MYOM1: variants seen among roughly 807,000 people sequenced by gnomAD.
MYOM1 encodes the protein myomesin 1, also known as myomesin-1.
MYOM1 carries 164 observed loss-of-function variants against 205.3 expected under a neutral mutation model. The ratio of observed to expected loss-of-function variants is 0.80; its 90% CI spans 0.70 to 0.91. MYOM1 has a LOEUF of 0.91. Among genes scored for constraint, MYOM1 ranks in the 40% least tolerant of loss-of-function variants. MYOM1 has a pLI of 0.00. For missense variants in MYOM1, 2,011 were observed against 2,127.3 expected (o/e 0.95, Z 1.08); for synonymous variants, 772 against 789.4 (o/e 0.98, Z 0.37).
Position 3,079,335 on chromosome 18 carries a change from C to A in MYOM1, c.4492G>T (p.Ala1498Ser), listed in dbSNP as rs768530234. 6.8e-6 allele frequency: 11 copies of A among 1,605,882 alleles called. No homozygotes were observed. The highest frequency in any genetic ancestry group is 9.4e-6 in the Non-Finnish European group (11 of 1,174,384). Residue 1498 changes from alanine (A) to serine (S), a missense_variant, in exon 34 of 38, where the codon GCC (alanine) becomes TCC (serine). Transcript: ENST00000356443. ...TTAACTCTGTCTGAGTACCTAATGG[C>A]GGACCCACTGTGAAAATCGAAGAAA... Reference protein sequence around the residue: ...LKVNWSHNGSAIRYSDRVKTG... With the variant: ...LKVNWSHNGSSIRYSDRVKTG...
chr18:3,113,975 T>C (rs2079566755), intron 21 of MYOM1, among the ~76,000 whole-genome samples: 1 of 152,254 alleles, frequency 6.6e-6, no homozygotes, highest in Non-Finnish European at 1.5e-5. Context: ...TATGTAGTAA[T>C]AGCCCTCACT....
At chr18:3,231,452 G>A in the MYOM1 span, among the ~76,000 whole-genome samples, 5 of 151,264 alleles carry the variant, frequency 3.3e-5, no homozygotes, top group African/African-American at 1.2e-4. Context: ...AAACCCTTGA[G>A]AGAAAACCTG....
intron 8 of MYOM1, among the ~76,000 whole-genome samples, chr18:3,169,726 G>A (rs1358009351): frequency 1.3e-5 from 2 of 152,152 alleles, no homozygotes; most frequent in Non-Finnish European, 2.9e-5. Context: ...AACCACTATG[G>A]AGAACAGTAT....
intron 2 of MYOM1, among the ~76,000 whole-genome samples, chr18:3,213,310 C>CA (rs2081213939): frequency 6.6e-6 from 1 of 152,068 alleles, no homozygotes; most frequent in Non-Finnish European, 1.5e-5. Flanking sequence ...ATGTTTATAG[C>CA]AAAAAATGCA....
rs2080239005 is a variant in MYOM1 at position 3,152,752 on chromosome 18, C to A, written c.1644-859G>T. Among the ~76,000 whole-genome samples the A allele has an allele frequency of 6.6e-6, 1 of 152,078 alleles. No individual in the cohort carries two copies. The highest frequency in any genetic ancestry group is 2.4e-5 in the African/African-American group (1 of 41,386). ...ATTTCCCCAACATGGGCTCTATGTC[C>A]AAAATGTGTAATTCCCAAATGATTC... On this transcript the variant is annotated intron_variant, in intron 11 of 37. Coordinates refer to ENST00000356443, the MANE Select transcript of MYOM1 (RefSeq NM_003803.4). This position sits in a 1 kb window ranked among gnomAD's most constrained non-coding sequence, Gnocchi z 4.3.
intron 2 of MYOM1, among the ~76,000 whole-genome samples, chr18:3,213,698 C>A (rs945354111): frequency 2.6e-5 from 4 of 152,166 alleles, no homozygotes; most frequent in Non-Finnish European, 4.4e-5. Context: ...GAGAAACTTT[C>A]TTCTCTAATA....
Position 3,148,778 on chromosome 18 carries a change from G to A in MYOM1, c.1900+367C>T, listed in dbSNP as rs149622791. 5.3e-3 allele frequency among the ~76,000 whole-genome samples: 786 copies of A among 148,142 alleles called. 5 individuals carry two copies. Among genetic ancestry groups the A allele is most frequent in the African/African-American group, 0.017 (682 of 40,016 alleles). On this transcript the variant is annotated intron_variant, in intron 13 of 37. Coordinates refer to ENST00000356443, the MANE Select transcript of MYOM1 (RefSeq NM_003803.4). ...GGAGAATGGCGTGAACCCGGGAGGC[G>A]GAGCTTGTAGTGAGCCGAGATCGCA... is the stretch of plus-strand genomic sequence containing the variant.
intron 5 of MYOM1, 90 bp from the exon 6 acceptor site, chr18:3,176,224 AT>A (rs1193361199): frequency 1.3e-6 from 1 of 749,568 alleles, no homozygotes; most frequent in Non-Finnish European, 2.3e-6. Context: ...TTGCAGGAAC[AT>A]CTGTAAACAG....
chr18:3,204,331 A>T (rs1379710504), intron 2 of MYOM1, among the ~76,000 whole-genome samples: 2 of 151,958 alleles, frequency 1.3e-5, no homozygotes. Context: ...AGAAAATCCT[A>T]AAAAATACAC....
Position 3,075,453 on chromosome 18 carries a change from C to A in MYOM1, c.4708+1G>T, listed in dbSNP as rs1010385626. 6.2e-7 allele frequency: 1 copy of A among 1,611,486 alleles called. No individual in the cohort carries two copies. The highest frequency in any genetic ancestry group is 1.7e-5 in the Admixed American group (1 of 59,906). On this transcript the variant is annotated splice_donor_variant, in intron 36 of 37. Coordinates refer to ENST00000356443, the MANE Select transcript of MYOM1 (RefSeq NM_003803.4). LOFTEE classifies it high-confidence loss of function. ...GAAAAGTAAAAAAAAAGTTTACTTACTTTTCTCGGCAATGGCAGCTTGTCT... is the reference window on the plus strand; with the variant it reads ...GAAAAGTAAAAAAAAAGTTTACTTAATTTTCTCGGCAATGGCAGCTTGTCT...
intron 29 of MYOM1, among the ~76,000 whole-genome samples, chr18:3,087,213 C>T (rs968992075): frequency 6.6e-6 from 1 of 152,124 alleles, no homozygotes; most frequent in African/African-American, 2.4e-5. Flanking sequence ...TTGCTGAGTA[C>T]ATTGCTCATG....
chr18:3,173,966 G>A lies in MYOM1; in HGVS notation c.1146C>T (p.His382=), dbSNP rs2230163. 509,370 of 1,609,322 alleles carry A rather than the reference G, an allele frequency of 0.32. 82,103 individuals are homozygous for A. Among genetic ancestry groups the A allele is most frequent in the African/African-American group, 0.41 (30,602 of 74,814 alleles). The part of the protein sequence containing the change: ...YKGEFDETRF[H]AGASTMPLSF... ...TGAGGGGCATGGTGGAAGCCCCAGCGTGGAAGCGAGTCTCATCAAACTCTC... is the reference window on the plus strand; with the variant it reads ...TGAGGGGCATGGTGGAAGCCCCAGCATGGAAGCGAGTCTCATCAAACTCTC... Residue 382 remains histidine, a synonymous_variant, in exon 8 of 38, where the codon CAC becomes CAT. Transcript: ENST00000356443.
At chr18:3,230,257 T>C in the MYOM1 span, among the ~76,000 whole-genome samples, 3 of 152,318 alleles carry the variant, frequency 2.0e-5, no homozygotes, top group East Asian at 1.9e-4. Context: ...AAGGCAGTTA[T>C]TATTCCCAAG....
intron 36 of MYOM1, among the ~76,000 whole-genome samples, chr18:3,075,159 G>A (rs2079007626): frequency 6.6e-6 from 1 of 152,134 alleles, no homozygotes; most frequent in South Asian, 2.1e-4. Flanking sequence ...CACTGTACCT[G>A]CAAGTCACTA....
chr18:3,190,082 C>T (rs777451928), intron 3 of MYOM1, among the ~76,000 whole-genome samples: 5 of 150,462 alleles, frequency 3.3e-5, no homozygotes, highest in Admixed American at 1.3e-4. Context: ...AAATGTGACT[C>T]GTTATTATTC....
At position 3,100,432 on chromosome 18, in the gene MYOM1, GA is replaced by G. The variant is rs2079361301; in HGVS notation, c.3576-7del. 1.9e-6 allele frequency: 3 copies of G among 1,604,198 alleles called. No homozygotes were observed. In the South Asian group the frequency reaches 3.3e-5, roughly 18 times the overall value. The stretch of plus-strand genomic sequence containing the variant: ...CTTTGAAGGTCATTTTCGTCCTTCG[GA>G]ACAAAATATTTTTCTTAGAAATGAG... On this transcript the variant is annotated splice_region_variant and splice_polypyrimidine_tract_variant and intron_variant, in intron 23 of 37. Transcript: ENST00000356443.
chr18:3,124,480 C>A (rs1203660269), intron 19 of MYOM1, among the ~76,000 whole-genome samples: 1 of 151,360 alleles, frequency 6.6e-6, no homozygotes, highest in African/African-American at 2.4e-5. Flanking sequence ...GAGTGCCCGC[C>A]ACCACGCCCG....
intron 21 of MYOM1, among the ~76,000 whole-genome samples, chr18:3,113,125 TA>T (rs36166711): frequency 4.1e-4 from 62 of 150,792 alleles, no homozygotes; most frequent in Admixed American, 1.4e-3. Context: ...CTAAGAGCTG[TA>T]AAAAAAAAGC....
intron 29 of MYOM1, 77 bp from the exon 30 acceptor site, chr18:3,086,228 C>G: frequency 1.3e-6 from 1 of 780,436 alleles, no homozygotes. Context: ...CTTAATGCAG[C>G]AAGATATAAA....
Sources: gnomAD v4.1 joint callset for allele counts (sites outside exome capture counted in the v4.1 genomes callset) on GRCh38, gnomAD v4.1.1 for gene constraint, Gnocchi (gnomAD v3.1) non-coding constraint, MANE v1.5 for transcripts, NCBI Gene and HGNC (gene_info 2026-07-23, HGNC 2026-07-21) for gene names.